The following KDM5B variants were observed in gnomAD, a reference collection of about 807,000 sequenced individuals.
The protein encoded by KDM5B is lysine-specific demethylase 5B.
In KDM5B, 144 loss-of-function variants were observed where a neutral mutation model predicts 193.4. The observed-to-expected ratio is 0.74, with a 90% CI of 0.65 to 0.86. The LOEUF is 0.86. Ranked by LOEUF, KDM5B falls within the 40% of genes least tolerant of loss-of-function variation. KDM5B has a pLI of 0.00. For missense variants in KDM5B, 1,833 were observed against 1,886.9 expected, an observed-to-expected ratio of 0.97 and a Z score of 0.53; for synonymous variants, 668 against 682.6, an observed-to-expected ratio of 0.98 and a Z score of 0.33.
At chr1:202,747,374 GGA>G (rs1655599288) in intron 14 of KDM5B, among the ~76,000 whole-genome samples, 1 of 152,042 alleles carries the variant, frequency 6.6e-6, no homozygotes, top group African/African-American at 2.4e-5. Context: ...TTCCATATAT[GGA>G]AAAAGTCTCA....
intron 12 of KDM5B, among the ~76,000 whole-genome samples, chr1:202,751,952 T>C (rs1402032939): frequency 1.3e-5 from 2 of 152,206 alleles, no homozygotes; most frequent in African/African-American, 2.4e-5. Context: ...TGGTGCTTAC[T>C]GGTGATTACT....
At chr1:202,737,464 G>T (rs1655137662) in intron 20 of KDM5B, among the ~76,000 whole-genome samples, 1 of 152,178 alleles carries the variant, frequency 6.6e-6, no homozygotes, top group African/African-American at 2.4e-5. Context: ...AAGCATTAAG[G>T]TTATGGAGGA....
At chr1:202,791,551 CG>C (rs2102331162) in intron 1 of KDM5B, among the ~76,000 whole-genome samples, 1 of 152,190 alleles carries the variant, frequency 6.6e-6, no homozygotes, top group East Asian at 1.9e-4. Context: ...TATTTCCTCA[CG>C]CAACCCTACT....
At chr1:202,791,850 C>G (rs1360307073) in intron 1 of KDM5B, among the ~76,000 whole-genome samples, 1 of 152,162 alleles carries the variant, frequency 6.6e-6, no homozygotes, top group Non-Finnish European at 1.5e-5. Context: ...TCTGGAGTAG[C>G]TGGGACTACA....
intron 1 of KDM5B, among the ~76,000 whole-genome samples, chr1:202,778,655 C>T (rs1391429359): frequency 6.6e-6 from 1 of 152,146 alleles, no homozygotes; most frequent in Non-Finnish European, 1.5e-5. Flanking sequence ...CAGAGTTTCG[C>T]TCTGTCACCC....
rs753296363 is a variant in KDM5B, at chr1:202,758,537, G to C, written c.1078-27C>G. The C allele has an allele frequency of 3.8e-6, 6 of 1,567,052 alleles. No individual in the cohort carries two copies. In the East Asian group the frequency reaches 1.4e-4, roughly 35 times the overall value. On this transcript the variant is annotated intron_variant, in intron 8 of 26. Coordinates refer to ENST00000367265, the MANE Select transcript of KDM5B (RefSeq NM_006618.5). ...TGAAAATAAAGAAAATTACGTTCTA[G>C]GTGACACTGAAAACATCAAGTATAC...
intron 5 of KDM5B, 150 bp downstream of exon 5, chr1:202,766,776 G>A (rs1656480570): frequency 1.2e-6 from 1 of 844,746 alleles, no homozygotes; most frequent in Non-Finnish European, 1.8e-6. Context: ...TCACCCAAGT[G>A]TAAAAGCTGG....
intron 1 of KDM5B, among the ~76,000 whole-genome samples, chr1:202,783,995 T>G (rs1199922676): frequency 6.6e-6 from 1 of 152,162 alleles, no homozygotes; most frequent in Admixed American, 6.5e-5. Flanking sequence ...AAACATCAGG[T>G]AAACATTTTC....
At chr1:202,734,401 T>TATGTGTGGGTTATATGATAACAAGGTAAC (rs1655021142) in intron 22 of KDM5B, among the ~76,000 whole-genome samples, 1 of 138,808 alleles carries the variant, frequency 7.2e-6, no homozygotes, top group Non-Finnish European at 1.5e-5. Context: ...ACACAGGTAA[T>TATGTGTGGGTTATATGATAACAAGGTAAC]ATGTGTGGGT....
rs150556003 is a variant in KDM5B, at chr1:202,767,502, G to A, written c.577-442C>T. On this transcript the variant is annotated intron_variant, in intron 4 of 26. Coordinates refer to ENST00000367265, the MANE Select transcript of KDM5B (RefSeq NM_006618.5). Reference sequence around the variant, plus strand: ...CACCTCACCAAGACCTTTTTTTCACGACCTTGTTCCCCGGTGTGCAAGGAC... The same window carrying A: ...CACCTCACCAAGACCTTTTTTTCACAACCTTGTTCCCCGGTGTGCAAGGAC... The A allele has an allele frequency of 2.0e-5, 15 of 755,556 alleles. No individual in the cohort carries two copies. In the African/African-American group the frequency reaches 2.1e-4, roughly 10 times the overall value. 46.8% of individuals were successfully genotyped at this position (755,556 alleles called of 1,614,324 possible).
Position 202,731,866 on chromosome 1 carries a change from GA to G in KDM5B, c.3982del (p.Ser1328ProfsTer19), listed in dbSNP as rs746841889. 1 of 1,613,632 alleles carries G rather than the reference GA, an allele frequency of 6.2e-7. No homozygotes were observed. On this transcript the variant is annotated frameshift_variant, in exon 24 of 27. Coordinates refer to ENST00000367265, the MANE Select transcript of KDM5B (RefSeq NM_006618.5). LOFTEE classifies it high-confidence loss of function. ...DWDNRTSYLH[S>X]PFSTGRSCIP... Reference sequence around the variant, plus strand: ...ACAACTTCGTCCAGTTGAGAAGGGGGAGTGCAAATATGAGGTTCTGTTGTCC... The same window carrying G: ...ACAACTTCGTCCAGTTGAGAAGGGGGGTGCAAATATGAGGTTCTGTTGTCC...
chr1:202,788,378 A>C lies in KDM5B; in HGVS notation c.205-11284T>G, dbSNP rs1330928509. Among the ~76,000 whole-genome samples the C allele has an allele frequency of 2.0e-5, 3 of 152,222 alleles. No individual in the cohort carries two copies. The East Asian group carries it at 5.8e-4, about 29-fold the overall frequency. On this transcript the variant is annotated intron_variant, in intron 1 of 26. Coordinates refer to ENST00000367265, the MANE Select transcript of KDM5B (RefSeq NM_006618.5). ...TTTTAAAGAACTTGTTTCAAAGATT[A>C]TTTTAGCTTCTGAATATGAAATACT...
rs1314191295 is a variant in KDM5B, at chr1:202,730,062, A to C, written c.4177-35T>G. 9 of 1,535,968 alleles carry C rather than the reference A, an allele frequency of 5.9e-6. No homozygotes were observed. In the East Asian group the frequency reaches 2.0e-4, roughly 35 times the overall value. ...AGATAGGAAAGTTCAATTTTCGCCT[A>C]TGGGTCACCTATTACTAAAACTAAT... On this transcript the variant is annotated intron_variant, in intron 25 of 26. Coordinates refer to ENST00000367265, the MANE Select transcript of KDM5B (RefSeq NM_006618.5).
intron 1 of KDM5B, chr1:202,806,588 A>C (rs1336298937): frequency 6.6e-6 from 1 of 152,192 alleles, no homozygotes; most frequent in Non-Finnish European, 1.5e-5. Flanking sequence ...TTTCTGAAGC[A>C]TGTATTTCAT....
intron 22 of KDM5B, among the ~76,000 whole-genome samples, 165 bp from the exon 23 acceptor site, chr1:202,734,051 T>C (rs1028320199): frequency 1.3e-5 from 2 of 152,098 alleles, no homozygotes; most frequent in Admixed American, 6.5e-5. Context: ...ATGTATTCCA[T>C]TGTGGCTAAA....
chr1:202,742,331 A>C, intron 18 of KDM5B, 60 bp downstream of exon 18: 9 of 1,133,916 alleles, frequency 7.9e-6, no homozygotes, highest in Non-Finnish European at 1.1e-5. Context: ...ATATCAATAG[A>C]GTTTATATAC....
chr1:202,774,730 T>G lies in KDM5B; in HGVS notation c.288A>C (p.Gln96His). Residue 96 changes from glutamine to histidine, a missense_variant, in exon 3 of 27, where the codon CAA (glutamine) becomes CAC (histidine). This residue lies in a region of KDM5B where 355 missense variants were observed against 374.9 expected (regional missense o/e 0.95). Transcript: ENST00000367265. Reference protein sequence around the residue: ...RIQRLNELEAQTRVKLNFLDQ... With the variant: ...RIQRLNELEAHTRVKLNFLDQ... ...CCAAGAAATTCAATTTTACACGAGT[T>G]TGGGCCTAAAAGACAAAGAATTGAG... 6.2e-7 allele frequency: 1 copy of G among 1,613,038 alleles called. No individual in the cohort carries two copies.
rs191150556 is a variant in KDM5B at position 202,747,381 on chromosome 1, G to C, written c.2017-1058C>G. ...TTTGTAAATTCCATATATGGAAAAAGTCTCAGAGTTCTAAAAATGAGCTAC... is the reference window on the plus strand; with the variant it reads ...TTTGTAAATTCCATATATGGAAAAACTCTCAGAGTTCTAAAAATGAGCTAC... On this transcript the variant is annotated intron_variant, in intron 14 of 26. Coordinates refer to ENST00000367265, the MANE Select transcript of KDM5B (RefSeq NM_006618.5). Among the ~76,000 whole-genome samples the C allele has an allele frequency of 5.1e-3, 782 of 152,024 alleles. 9 individuals are homozygous for C. The highest frequency in any genetic ancestry group is 0.018 in the African/African-American group (745 of 41,494).
At chr1:202,779,973 TAA>T (rs1205022107) in intron 1 of KDM5B, among the ~76,000 whole-genome samples, 8 of 151,994 alleles carry the variant, frequency 5.3e-5, no homozygotes, top group African/African-American at 1.4e-4. Context: ...GCTAGATTTA[TAA>T]AGAGTTCATA....
Sources: gnomAD v4.1 joint callset for allele counts (sites outside exome capture counted in the v4.1 genomes callset) on GRCh38, gnomAD v4.1.1 for gene constraint, gnomAD v4.1.1 regional missense constraint, MANE v1.5 for transcripts, NCBI Gene and HGNC (gene_info 2026-07-23, HGNC 2026-07-21) for gene names.